Variants in ASB5 observed in about 807,000 individuals in gnomAD.
ASB5 encodes the protein ankyrin repeat and SOCS box protein 5.
A neutral mutation model predicts 42.1 loss-of-function variants in ASB5; 45 were observed. That is an observed-to-expected ratio of 1.07 (90% CI 0.84 to 1.37). The LOEUF (loss-of-function observed/expected upper bound fraction) is 1.37. Among genes scored for constraint, ASB5 ranks in the 40% most tolerant of loss-of-function variants. The pLI is 0.00. For synonymous variants in ASB5, 147 were observed against 150.6 expected (o/e 0.98, Z 0.18); for missense variants, 402 against 399.8 (o/e 1.01, Z -0.05).
At chr4:176,252,275 A>G (rs974967156) in intron 1 of ASB5, among the ~76,000 whole-genome samples, 1 of 152,108 alleles carries the variant, frequency 6.6e-6, no homozygotes, top group African/African-American at 2.4e-5. Context: ...TTCTGTCTTC[A>G]CTTGTTGTTT....
chr4:176,231,659 C>CA (rs11362445), intron 1 of ASB5, among the ~76,000 whole-genome samples: 1,813 of 101,836 alleles, frequency 0.018, 49 homozygotes, highest in Middle Eastern at 0.086. Context: ...CTTGTCTCTG[C>CA]AAAAAAAAAA....
At chr4:176,265,185 C>T (rs1023214651) in intron 1 of ASB5, among the ~76,000 whole-genome samples, 4 of 152,058 alleles carry the variant, frequency 2.6e-5, no homozygotes, top group Non-Finnish European at 5.9e-5. Flanking sequence ...CACATCTGGG[C>T]CCAACTTATT....
At chr4:176,250,627 T>C (rs1754014259) in intron 1 of ASB5, among the ~76,000 whole-genome samples, 1 of 152,178 alleles carries the variant, frequency 6.6e-6, no homozygotes, top group South Asian at 2.1e-4. Context: ...GGTGGCATTC[T>C]CAAAGCGGCT....
At position 176,269,032 on chromosome 4, in the gene ASB5, C is replaced by T; in HGVS notation, c.77G>A (p.Cys26Tyr). The change falls in exon 1 of 7, where the codon TGT becomes TAT. Residue 26 changes from cysteine to tyrosine, a missense_variant. Cys to Tyr is a radical substitution (Grantham distance 194). Coordinates refer to ENST00000296525, the MANE Select transcript of ASB5 (RefSeq NM_080874.4). Reference protein sequence around the residue: ...NVYFTILSLFCFKLFVKISLA... With the variant: ...NVYFTILSLFYFKLFVKISLA... Reference sequence around the variant, plus strand: ...GCTGATTTTCACAAAAAGCTTAAAACAGAACAGCGAAAGTATTGTAAAGTA... The same window carrying T: ...GCTGATTTTCACAAAAAGCTTAAAATAGAACAGCGAAAGTATTGTAAAGTA... 6.2e-7 allele frequency: 1 copy of T among 1,613,570 alleles called. No homozygotes were observed. Among genetic ancestry groups the T allele is most frequent in the African/African-American group, 1.3e-5 (1 of 75,002 alleles).
chr4:176,223,063 C>T (rs1348449924), intron 2 of ASB5, among the ~76,000 whole-genome samples: 1 of 152,132 alleles, frequency 6.6e-6, no homozygotes, highest in Middle Eastern at 3.2e-3. Flanking sequence ...CAGGTGTGAG[C>T]CACCGCGCCC....
chr4:176,219,089 ATGATATATAAATATATATATATATT>A (rs1753086716), intron 5 of ASB5, among the ~76,000 whole-genome samples: 1 of 43,868 alleles, frequency 2.3e-5, no homozygotes, highest in African/African-American at 1.1e-4. Flanking sequence ...ATATATTTGT[ATGATATATAAATATATATATATATT>A]TGTATGATAT....
At chr4:176,275,381 A>G (rs1754545716) in intron 2 of ASB5, among the ~76,000 whole-genome samples, 1 of 152,202 alleles carries the variant, frequency 6.6e-6, no homozygotes, top group South Asian at 2.1e-4. Context: ...CTTTAACAAC[A>G]TAAGTACTGC....
intron 2 of ASB5, among the ~76,000 whole-genome samples, chr4:176,223,886 G>A (rs1456333774): frequency 6.6e-6 from 1 of 152,080 alleles, no homozygotes; most frequent in Non-Finnish European, 1.5e-5. Flanking sequence ...GAACCACACG[G>A]CCCTTTCTGA....
At chr4:176,215,793 A>G (rs1409562838) in intron 6 of ASB5, 66 bp from the exon 7 acceptor site, 1 of 1,476,154 alleles carries the variant, frequency 6.8e-7, no homozygotes, top group Non-Finnish European at 9.2e-7. Flanking sequence ...TGTAAGGTAC[A>G]TAACATAAAA....
Position 176,215,191 on chromosome 4 carries a change from C to G in ASB5, c.*409G>C, listed in dbSNP as rs1047298320. 6.5e-6 allele frequency: 1 copy of G among 153,094 alleles called. No homozygotes were observed. Among genetic ancestry groups the G allele is most frequent in the African/African-American group, 2.4e-5 (1 of 41,446 alleles). 9.5% of individuals were successfully genotyped at this position (153,094 alleles called of 1,614,324 possible). A position where few individuals can be genotyped will look rare whatever the true frequency, so the allele number is the denominator to read the frequency against. ...CCATATTCATATTTTATGTCAATAT[C>G]AGTAACAAGTTAGCCAATTACAATA... On this transcript the variant is annotated 3_prime_UTR_variant, in exon 7 of 7. Transcript: ENST00000296525.
At chr4:176,225,914 A>G (rs993598676) in intron 1 of ASB5, among the ~76,000 whole-genome samples, 3 of 152,160 alleles carry the variant, frequency 2.0e-5, no homozygotes, top group Admixed American at 6.5e-5. Context: ...AATTATCTGC[A>G]CTCACTATTA....
At chr4:176,230,221 G>A (rs189198188) in intron 1 of ASB5, among the ~76,000 whole-genome samples, 5 of 152,254 alleles carry the variant, frequency 3.3e-5, no homozygotes, top group African/African-American at 1.2e-4. Flanking sequence ...GGTAAATGGG[G>A]GAGATTTTAA....
intron 5 of ASB5, among the ~76,000 whole-genome samples, chr4:176,217,691 C>T (rs1753011007): frequency 6.6e-6 from 1 of 152,072 alleles, no homozygotes; most frequent in Non-Finnish European, 1.5e-5. Context: ...TGCACACTTA[C>T]TTTATCCCAG....
chr4:176,274,870 T>A (rs1207220469), intron 2 of ASB5, among the ~76,000 whole-genome samples: 1 of 151,782 alleles, frequency 6.6e-6, no homozygotes, highest in Non-Finnish European at 1.5e-5. Context: ...AGAAGTGAAA[T>A]GATACCACAG....
intron 1 of ASB5, among the ~76,000 whole-genome samples, chr4:176,251,748 C>T (rs895663684): frequency 1.6e-4 from 24 of 151,194 alleles, no homozygotes; most frequent in Non-Finnish European, 2.8e-4. Context: ...AATACATTAG[C>T]AGCCATTAAC....
Position 176,233,270 on chromosome 4 carries a change from T to C in ASB5, c.197-7929A>G, listed in dbSNP as rs28651736. 3.3e-3 allele frequency among the ~76,000 whole-genome samples: 499 copies of C among 152,358 alleles called. 5 individuals carry two copies. The highest frequency in any genetic ancestry group is 0.011 in the African/African-American group (477 of 41,584). On this transcript the variant is annotated intron_variant, in intron 1 of 6. Transcript: ENST00000296525. ...TCTCATCTTATTCCTCTTGGCTATA[T>C]ATCTGTAGGAGACAAAAATAGATAT...
intron 1 of ASB5, among the ~76,000 whole-genome samples, chr4:176,232,009 G>C (rs1287594712): frequency 6.6e-6 from 1 of 151,866 alleles, no homozygotes; most frequent in African/African-American, 2.4e-5. Flanking sequence ...AGGAAAATTA[G>C]GGAATTAATT....
chr4:176,234,010 C>T (rs1753618814), intron 1 of ASB5, among the ~76,000 whole-genome samples: 2 of 152,102 alleles, frequency 1.3e-5, no homozygotes, highest in African/African-American at 4.8e-5. Flanking sequence ...GTCATTTTGC[C>T]TCTATCATTT....
intron 1 of ASB5, among the ~76,000 whole-genome samples, chr4:176,255,077 C>A (rs1042927213): frequency 6.6e-6 from 1 of 152,146 alleles, no homozygotes; most frequent in African/African-American, 2.4e-5. Flanking sequence ...TTGCAGTGAG[C>A]CAAGATCATG....
Sources: gnomAD v4.1 joint callset for allele counts (sites outside exome capture counted in the v4.1 genomes callset) on GRCh38, gnomAD v4.1.1 for gene constraint, MANE v1.5 for transcripts, NCBI Gene and HGNC (gene_info 2026-07-23, HGNC 2026-07-21) for gene names.